Variants in MEGF11 observed in about 807,000 individuals in gnomAD.
MEGF11 encodes the protein multiple epidermal growth factor-like domains protein 11.
A neutral mutation model predicts 146.6 loss-of-function variants in MEGF11; 126 were observed. That is an observed-to-expected ratio of 0.86 (90% CI 0.74 to 1.00). The LOEUF is 1.00. Among genes scored for constraint, MEGF11 ranks in the 50% least tolerant of loss-of-function variants. MEGF11 has a pLI of 0.00. For synonymous variants in MEGF11, 532 were observed against 583.4 expected (o/e 0.91, Z 1.27); for missense variants, 1,509 against 1,521.2 (o/e 0.99, Z 0.13).
intron 1 of MEGF11, among the ~76,000 whole-genome samples, chr15:66,155,834 C>T (rs1037731012): frequency 3.0e-4 from 46 of 152,182 alleles, no homozygotes; most frequent in African/African-American, 9.9e-4. Flanking sequence ...TGCTGCAGCC[C>T]GCTCCTGGCC....
intron 1 of MEGF11, among the ~76,000 whole-genome samples, chr15:66,183,339 A>G (rs1009406621): frequency 6.6e-6 from 1 of 152,098 alleles, no homozygotes; most frequent in African/African-American, 2.4e-5. Flanking sequence ...GTCTCCAGTA[A>G]AAATACAAAA....
chr15:66,067,832 A>G (rs1353369447), intron 5 of MEGF11, among the ~76,000 whole-genome samples: 1 of 152,272 alleles, frequency 6.6e-6, no homozygotes, highest in East Asian at 1.9e-4. Context: ...AGTTCGCTAA[A>G]TGGTTTGCAT....
chr15:66,190,042 A>G (rs1311730222), intron 1 of MEGF11, among the ~76,000 whole-genome samples: 1 of 152,186 alleles, frequency 6.6e-6, no homozygotes, highest in Non-Finnish European at 1.5e-5. Flanking sequence ...AATGGGCTGC[A>G]TACTGGAATC....
chr15:66,104,679 CTTACATTACAGATAAGA>C (rs2086981125), intron 4 of MEGF11, among the ~76,000 whole-genome samples: 1 of 152,180 alleles, frequency 6.6e-6, no homozygotes, highest in African/African-American at 2.4e-5. Context: ...GATAGGTCTT[CTTACATTACAGATAAGA>C]AGCTAAGACC....
chr15:66,079,004 G>C (rs953770741), intron 5 of MEGF11, among the ~76,000 whole-genome samples: 1 of 152,172 alleles, frequency 6.6e-6, no homozygotes, highest in Non-Finnish European at 1.5e-5. Flanking sequence ...AAAAATTCAG[G>C]AGGAGCCACA....
At chr15:65,927,940 G>C (rs2079431754) in intron 13 of MEGF11, among the ~76,000 whole-genome samples, 1 of 152,220 alleles carries the variant, frequency 6.6e-6, no homozygotes, top group Non-Finnish European at 1.5e-5. Context: ...CTGGCCACCA[G>C]GTGCAGAATG....
chr15:66,078,096 G>A (rs576876630), intron 5 of MEGF11, among the ~76,000 whole-genome samples: 7 of 152,158 alleles, frequency 4.6e-5, no homozygotes, highest in Admixed American at 2.6e-4. Flanking sequence ...GGTCTCCAGG[G>A]ACAGACTGCC....
At chr15:65,986,458 T>G (rs2081859895) in intron 5 of MEGF11, among the ~76,000 whole-genome samples, 1 of 152,138 alleles carries the variant, frequency 6.6e-6, no homozygotes, top group African/African-American at 2.4e-5. Context: ...AGTGTGTAAT[T>G]CATTCCAGAG....
intron 4 of MEGF11, among the ~76,000 whole-genome samples, chr15:66,107,059 C>CCA (rs1555471321): frequency 4.3e-5 from 6 of 141,134 alleles, no homozygotes; most frequent in Non-Finnish European, 7.8e-5. Flanking sequence ...TTCCTACCCC[C>CCA]CCACCAGGTA....
intron 5 of MEGF11, among the ~76,000 whole-genome samples, chr15:66,016,327 C>T (rs962124906): frequency 6.6e-6 from 1 of 152,178 alleles, no homozygotes; most frequent in Non-Finnish European, 1.5e-5. Flanking sequence ...TATTTGTACA[C>T]TGCCATCAGA....
intron 5 of MEGF11, among the ~76,000 whole-genome samples, chr15:66,080,173 C>A (rs942730873): frequency 7.2e-5 from 11 of 152,210 alleles, no homozygotes; most frequent in African/African-American, 2.4e-4. Context: ...AGGGGCTGGG[C>A]AGTCTCTTAC....
intron 5 of MEGF11, among the ~76,000 whole-genome samples, chr15:66,092,573 G>A (rs2086362954): frequency 6.6e-6 from 1 of 152,168 alleles, no homozygotes; most frequent in Non-Finnish European, 1.5e-5. Context: ...ACTCTGGGGG[G>A]CAAGTCATAC....
intron 1 of MEGF11, among the ~76,000 whole-genome samples, chr15:66,196,848 C>A (rs1040321884): frequency 6.6e-6 from 1 of 152,164 alleles, no homozygotes. Flanking sequence ...AGTAAACATG[C>A]TAAAGACAGA....
At chr15:65,957,289 A>G (rs1366514036) in intron 10 of MEGF11, among the ~76,000 whole-genome samples, 2 of 152,260 alleles carry the variant, frequency 1.3e-5, no homozygotes, top group East Asian at 1.9e-4. Context: ...GGATATGGAC[A>G]GGCAGGAGCT....
chr15:65,959,885 G>A (rs2080797617), intron 9 of MEGF11, among the ~76,000 whole-genome samples: 1 of 152,162 alleles, frequency 6.6e-6, no homozygotes, highest in African/African-American at 2.4e-5. Flanking sequence ...GCAAAGCTGT[G>A]ATTCAAACCC....
At chr15:66,116,222 C>G (rs1015798940) in intron 4 of MEGF11, among the ~76,000 whole-genome samples, 4 of 152,188 alleles carry the variant, frequency 2.6e-5, no homozygotes, top group Non-Finnish European at 5.9e-5. Flanking sequence ...GCTTGACTGT[C>G]TCTGTCTAGC....
chr15:66,242,962 G>A (rs552129863), intron 1 of MEGF11, among the ~76,000 whole-genome samples: 19 of 152,026 alleles, frequency 1.2e-4, no homozygotes, highest in South Asian at 6.2e-4. Flanking sequence ...CTTGTCTCTG[G>A]GTAAATGATC....
intron 5 of MEGF11, among the ~76,000 whole-genome samples, chr15:66,037,833 C>G (rs745494825): frequency 2.0e-5 from 3 of 152,220 alleles, no homozygotes; most frequent in Non-Finnish European, 4.4e-5. Context: ...CCCACTGTGT[C>G]TAGCCCGGGG....
chr15:66,022,908 G>T (rs1256878919), intron 5 of MEGF11, among the ~76,000 whole-genome samples: 1 of 151,640 alleles, frequency 6.6e-6, no homozygotes, highest in African/African-American at 2.4e-5. Flanking sequence ...CTAGCACTTT[G>T]GGAGGCTGAC....
Sources: gnomAD v4.1 joint callset for allele counts (sites outside exome capture counted in the v4.1 genomes callset) on GRCh38, gnomAD v4.1.1 for gene constraint, MANE v1.5 for transcripts, NCBI Gene and HGNC (gene_info 2026-07-23, HGNC 2026-07-21) for gene names.